ZDHHC14: variants seen among roughly 807,000 people sequenced by gnomAD.
ZDHHC14 encodes zDHHC palmitoyltransferase 14.
Under a neutral mutation model 47.7 loss-of-function variants are expected in ZDHHC14, and 16 were observed. The observed-to-expected ratio is 0.34, with a 90% CI of 0.23 to 0.51. The LOEUF is 0.51. Ranked by LOEUF, ZDHHC14 falls within the 20% of genes least tolerant of loss-of-function variation. The pLI is 0.97. For missense variants in ZDHHC14, 515 were observed against 662.5 expected (o/e 0.78, Z 2.44); for synonymous variants, 293 against 278.9 (o/e 1.05, Z -0.50).
intron 3 of ZDHHC14, among the ~76,000 whole-genome samples, chr6:157,605,504 G>A (rs1416340354): frequency 6.6e-6 from 1 of 152,176 alleles, no homozygotes; most frequent in Non-Finnish European, 1.5e-5. Context: ...GCAATGGGCT[G>A]GAAAGTGTCA....
intron 1 of ZDHHC14, among the ~76,000 whole-genome samples, chr6:157,467,792 C>T (rs772840275): frequency 9.2e-5 from 14 of 152,024 alleles, no homozygotes; most frequent in African/African-American, 2.2e-4. Context: ...TCAGGTAATC[C>T]GCCCATCCCG....
chr6:157,637,949 A>G (rs969875846), intron 5 of ZDHHC14, among the ~76,000 whole-genome samples: 4 of 152,230 alleles, frequency 2.6e-5, no homozygotes, highest in Non-Finnish European at 5.9e-5. Context: ...ACATTGATAC[A>G]CTGAAAGCTC....
chr6:157,489,303 C>T (rs541914276), intron 1 of ZDHHC14, among the ~76,000 whole-genome samples: 1 of 152,308 alleles, frequency 6.6e-6, no homozygotes, highest in Non-Finnish European at 1.5e-5. Context: ...AACTCATGCG[C>T]AATCACTTCC....
chr6:157,541,926 A>G (rs2135207), intron 1 of ZDHHC14, among the ~76,000 whole-genome samples: 60,350 of 152,104 alleles, frequency 0.4, 12,144 homozygotes, highest in Admixed American at 0.45. Context: ...TTGATAGCTC[A>G]GATGCCCTCT....
rs2115022796 is a variant in ZDHHC14 at position 157,676,932 on chromosome 6, G to A, written c.*3810G>A. 6.6e-6 allele frequency: 1 copy of A among 152,308 alleles called. No individual in the cohort carries two copies. Among genetic ancestry groups the A allele is most frequent in the East Asian group, 1.9e-4 (1 of 5,192 alleles). 9.4% of individuals were successfully genotyped at this position (152,308 alleles called of 1,614,324 possible). ...ATATTATAAGGAATCTTCCCAGAAG[G>A]AGCTGCCCTTCATCCATCCACAAGA... is the stretch of plus-strand genomic sequence containing the variant. On this transcript the variant is annotated 3_prime_UTR_variant, in exon 9 of 9. Coordinates refer to ENST00000359775, the MANE Select transcript of ZDHHC14 (RefSeq NM_024630.3).
chr6:157,565,688 C>A (rs546338156), intron 2 of ZDHHC14, among the ~76,000 whole-genome samples: 12 of 152,016 alleles, frequency 7.9e-5, no homozygotes, highest in African/African-American at 2.7e-4. Context: ...GTGTGGTAAT[C>A]CCAGCTACTA....
At chr6:157,613,220 T>C (rs1784822337) in intron 3 of ZDHHC14, among the ~76,000 whole-genome samples, 1 of 152,214 alleles carries the variant, frequency 6.6e-6, no homozygotes, top group Non-Finnish European at 1.5e-5. Context: ...GCTTTCAAAC[T>C]TTTTGTGTTT....
At chr6:157,611,289 C>T (rs1018728698) in intron 3 of ZDHHC14, among the ~76,000 whole-genome samples, 1 of 152,106 alleles carries the variant, frequency 6.6e-6, no homozygotes, top group East Asian at 1.9e-4. Context: ...CATGAGCCCC[C>T]GCGCCTGGCC....
chr6:157,479,023 T>C (rs574025230), intron 1 of ZDHHC14, among the ~76,000 whole-genome samples: 1 of 152,296 alleles, frequency 6.6e-6, no homozygotes, highest in South Asian at 2.1e-4. Context: ...GTCAGCCAAC[T>C]GTGTTGGGCT....
At chr6:157,625,229 C>G (rs1162442755) in intron 3 of ZDHHC14, among the ~76,000 whole-genome samples, 1 of 152,062 alleles carries the variant, frequency 6.6e-6, no homozygotes, top group African/African-American at 2.4e-5. Flanking sequence ...GCCGATAGGA[C>G]TTGCTCATGG....
chr6:157,488,693 C>A (rs1779838766), intron 1 of ZDHHC14, among the ~76,000 whole-genome samples: 1 of 152,210 alleles, frequency 6.6e-6, no homozygotes. Flanking sequence ...GTACTCACTA[C>A]CAGTTTAGTA....
At chr6:157,517,278 G>A (rs138226562) in intron 1 of ZDHHC14, among the ~76,000 whole-genome samples, 1,644 of 151,722 alleles carry the variant, frequency 0.011, 18 homozygotes, top group Non-Finnish European at 0.018. Flanking sequence ...GGTGTGATGG[G>A]GACACAGTAC....
chr6:157,538,439 A>G (rs772999189), intron 1 of ZDHHC14, among the ~76,000 whole-genome samples: 1 of 152,200 alleles, frequency 6.6e-6, no homozygotes, highest in Non-Finnish European at 1.5e-5. Context: ...GGTATGGGTG[A>G]CTTGACTCTC....
At chr6:157,448,038 C>CTTTATTTA (rs200560211) in intron 1 of ZDHHC14, among the ~76,000 whole-genome samples, 6 of 151,830 alleles carry the variant, frequency 4.0e-5, no homozygotes, top group Admixed American at 2.6e-4. Flanking sequence ...CACCTGGCTA[C>CTTTATTTA]TTTATTTATT....
intron 1 of ZDHHC14, among the ~76,000 whole-genome samples, chr6:157,458,591 A>G (rs1404303813): frequency 1.3e-5 from 2 of 152,156 alleles, no homozygotes; most frequent in African/African-American, 4.8e-5. Flanking sequence ...AGGAGTTCTC[A>G]GTGTCGGGGG....
At chr6:157,483,800 T>G (rs565675217) in intron 1 of ZDHHC14, among the ~76,000 whole-genome samples, 1 of 152,298 alleles carries the variant, frequency 6.6e-6, no homozygotes, top group African/African-American at 2.4e-5. Flanking sequence ...TTCTCTGTTT[T>G]GGGGAACTTT....
intron 1 of ZDHHC14, among the ~76,000 whole-genome samples, chr6:157,436,218 T>A (rs1018863790): frequency 1.3e-5 from 2 of 152,146 alleles, no homozygotes; most frequent in African/African-American, 4.8e-5. Flanking sequence ...TTTTTCCTTA[T>A]TTGTAAAATG....
chr6:157,671,146 T>G (rs930782970), intron 8 of ZDHHC14, among the ~76,000 whole-genome samples: 1 of 152,196 alleles, frequency 6.6e-6, no homozygotes, highest in African/African-American at 2.4e-5. Flanking sequence ...TGAGTGGTTC[T>G]TCAGTAACTC....
intron 3 of ZDHHC14, among the ~76,000 whole-genome samples, chr6:157,611,881 T>C (rs971662243): frequency 6.6e-6 from 1 of 152,214 alleles, no homozygotes; most frequent in African/African-American, 2.4e-5. Flanking sequence ...TGTTTATACC[T>C]GTGTCTTGCT....
Sources: allele counts gnomAD v4.1 joint callset (sites outside exome capture counted in the v4.1 genomes callset), GRCh38; gene constraint gnomAD v4.1.1; transcripts MANE v1.5; gene names NCBI Gene and HGNC (gene_info 2026-07-23, HGNC 2026-07-21).